The following IQGAP2 variants were observed in gnomAD, a reference collection of about 807,000 sequenced individuals.
IQGAP2 encodes the protein ras GTPase-activating-like protein IQGAP2.
In IQGAP2, 173 loss-of-function variants were observed where a neutral mutation model predicts 201.3. That is an observed-to-expected ratio of 0.86 (90% CI 0.76 to 0.98). The LOEUF is 0.98. Among genes scored for constraint, IQGAP2 ranks in the 50% least tolerant of loss-of-function variants. The probability of loss-of-function intolerance (pLI) is 0.00; values close to 1 mark genes in which losing one functional copy is unlikely to be tolerated. For missense variants in IQGAP2, 1,687 were observed against 1,864.8 expected, an observed-to-expected ratio of 0.90 and a Z score of 1.76; for synonymous variants, 675 against 673.9, an observed-to-expected ratio of 1.00 and a Z score of -0.03.
At chr5:76,412,126 A>T (rs917843172) in intron 1 of IQGAP2, among the ~76,000 whole-genome samples, 2 of 152,236 alleles carry the variant, frequency 1.3e-5, no homozygotes, top group Admixed American at 6.5e-5. Flanking sequence ...TTTGATAGAC[A>T]TAAGTGCACC....
At chr5:76,618,478 G>A (rs1749242059) in intron 13 of IQGAP2, 1 of 1,614,082 alleles carries the variant, frequency 6.2e-7, no homozygotes, top group South Asian at 1.1e-5. Flanking sequence ...ACATGGAGAT[G>A]TGAAGCACTT....
intron 2 of IQGAP2, among the ~76,000 whole-genome samples, chr5:76,561,647 A>G (rs1051188439): frequency 6.6e-6 from 1 of 152,146 alleles, no homozygotes; most frequent in Non-Finnish European, 1.5e-5. Flanking sequence ...TCAGCACACC[A>G]TTGTGACATG....
At chr5:76,637,892 T>C (rs1413593990) in intron 16 of IQGAP2, among the ~76,000 whole-genome samples, 1 of 152,268 alleles carries the variant, frequency 6.6e-6, no homozygotes. Flanking sequence ...ACAAGATACA[T>C]TGAACTGGAA....
chr5:76,468,625 T>G (rs1302712784), intron 2 of IQGAP2, among the ~76,000 whole-genome samples: 1 of 152,188 alleles, frequency 6.6e-6, no homozygotes. Flanking sequence ...ATCCTTTATC[T>G]GTCTTATAGT....
chr5:76,472,610 G>A (rs1327605987), intron 2 of IQGAP2, among the ~76,000 whole-genome samples: 1 of 152,124 alleles, frequency 6.6e-6, no homozygotes, highest in Non-Finnish European at 1.5e-5. Flanking sequence ...CCTAGGCTTG[G>A]GCATATAGTA....
At chr5:76,585,803 C>T (rs1283066447) in intron 5 of IQGAP2, among the ~76,000 whole-genome samples, 2 of 152,096 alleles carry the variant, frequency 1.3e-5, no homozygotes, top group Non-Finnish European at 2.9e-5. Context: ...CGTGAGCCAC[C>T]GCCCCCAGCT....
At chr5:76,519,994 C>T (rs1316068984) in intron 2 of IQGAP2, among the ~76,000 whole-genome samples, 1 of 151,350 alleles carries the variant, frequency 6.6e-6, no homozygotes, top group South Asian at 2.1e-4. Context: ...TGTCTTTTTA[C>T]TCTTATCAGA....
chr5:76,555,248 T>A (rs535691043), intron 2 of IQGAP2, among the ~76,000 whole-genome samples: 1 of 152,354 alleles, frequency 6.6e-6, no homozygotes, highest in African/African-American at 2.4e-5. Flanking sequence ...GTGAATATAC[T>A]ACAAACCATT....
chr5:76,441,844 G>A (rs1311629288), intron 1 of IQGAP2, among the ~76,000 whole-genome samples: 1 of 152,166 alleles, frequency 6.6e-6, no homozygotes, highest in Non-Finnish European at 1.5e-5. Context: ...TGAGTGTTGA[G>A]TAGGAGTTAC....
intron 22 of IQGAP2, 50 bp downstream of exon 22, chr5:76,665,225 C>T (rs766715938): frequency 6.6e-7 from 1 of 1,520,978 alleles, no homozygotes; most frequent in East Asian, 2.3e-5. Flanking sequence ...TACTATGTTA[C>T]ATGTTTGTGG....
chr5:76,453,842 G>A (rs1369456952), intron 1 of IQGAP2, among the ~76,000 whole-genome samples: 9 of 152,204 alleles, frequency 5.9e-5, no homozygotes, highest in Non-Finnish European at 1.3e-4. Flanking sequence ...TTCATACCGA[G>A]TCATAGGGAG....
intron 2 of IQGAP2, among the ~76,000 whole-genome samples, chr5:76,469,140 C>T (rs1474842637): frequency 6.6e-6 from 1 of 152,112 alleles, no homozygotes; most frequent in Non-Finnish European, 1.5e-5. Flanking sequence ...TTCTATATTG[C>T]AGTTAGATGA....
intron 35 of IQGAP2, among the ~76,000 whole-genome samples, chr5:76,703,550 A>G (rs1267107987): frequency 6.6e-6 from 1 of 151,968 alleles, no homozygotes; most frequent in African/African-American, 2.4e-5. Flanking sequence ...ATATCTATAC[A>G]TAGAAAAATG....
intron 2 of IQGAP2, among the ~76,000 whole-genome samples, chr5:76,526,772 G>T (rs947744985): frequency 1.5e-4 from 23 of 152,134 alleles, no homozygotes; most frequent in African/African-American, 5.6e-4. Flanking sequence ...AGCCCCAAAA[G>T]GTCTGGCTAC....
chr5:76,583,393 A>G (rs752820492), intron 5 of IQGAP2, among the ~76,000 whole-genome samples: 2 of 152,164 alleles, frequency 1.3e-5, no homozygotes, highest in Non-Finnish European at 2.9e-5. Flanking sequence ...CGCCCATACC[A>G]TGAAAAGTGA....
chr5:76,425,452 A>G (rs1365107382), intron 1 of IQGAP2, among the ~76,000 whole-genome samples: 2 of 152,216 alleles, frequency 1.3e-5, no homozygotes, highest in African/African-American at 4.8e-5. Flanking sequence ...TTATAATGAC[A>G]TGGAGAAATG....
chr5:76,480,735 A>G (rs1580283207), intron 2 of IQGAP2, among the ~76,000 whole-genome samples: 1 of 152,242 alleles, frequency 6.6e-6, no homozygotes, highest in Non-Finnish European at 1.5e-5. Context: ...GTTGTCATGT[A>G]AATGAAATAA....
chr5:76,426,992 A>G lies in IQGAP2; in HGVS notation c.46+23401A>G, dbSNP rs550369752. ...TTGCATAGTGGAGTGATCAGTACAT[A>G]ATGGGTGGTGGGCACTGAGAGAGAA... On this transcript the variant is annotated intron_variant, in intron 1 of 35. Transcript: ENST00000274364. 3.3e-5 allele frequency among the ~76,000 whole-genome samples: 5 copies of G among 150,500 alleles called. No individual in the cohort carries two copies. In the East Asian group the frequency reaches 7.9e-4, roughly 24 times the overall value.
At chr5:76,519,874 C>G (rs1758560053) in intron 2 of IQGAP2, among the ~76,000 whole-genome samples, 1 of 152,136 alleles carries the variant, frequency 6.6e-6, no homozygotes, top group African/African-American at 2.4e-5. Context: ...TTTGCCCATT[C>G]TTTAAAATTC....
Sources: gnomAD v4.1 joint callset for allele counts (sites outside exome capture counted in the v4.1 genomes callset) on GRCh38, gnomAD v4.1.1 for gene constraint, MANE v1.5 for transcripts, NCBI Gene and HGNC (gene_info 2026-07-23, HGNC 2026-07-21) for gene names.